The following TENM2 variants were observed in gnomAD, a reference collection of about 807,000 sequenced individuals.
The protein encoded by TENM2 is teneurin transmembrane protein 2, also known as teneurin-2.
In TENM2, 52 loss-of-function variants were observed where a neutral mutation model predicts 245.2. The observed-to-expected ratio is 0.21, with a 90% CI of 0.17 to 0.27. The LOEUF (loss-of-function observed/expected upper bound fraction) is 0.27. TENM2 is among the 10% of genes least tolerant of loss of function. TENM2 has a pLI of 1.00. For missense variants in TENM2, 3,046 were observed against 3,666.8 expected, an observed-to-expected ratio of 0.83 and a Z score of 4.37; for synonymous variants, 1,363 against 1,438.9, an observed-to-expected ratio of 0.95 and a Z score of 1.19.
chr5:167,745,408 C>A (rs1761487208), intron 2 of TENM2, among the ~76,000 whole-genome samples: 1 of 152,232 alleles, frequency 6.6e-6, no homozygotes, highest in Non-Finnish European at 1.5e-5. Context: ...TGGTGTGGAG[C>A]TCCATCGTAA....
At chr5:167,320,356 C>G (rs2127769353) in intron 1 of TENM2, among the ~76,000 whole-genome samples, 1 of 152,236 alleles carries the variant, frequency 6.6e-6, no homozygotes, top group South Asian at 2.1e-4. Context: ...AGTTAGGACC[C>G]AAAAGAAGAA....
chr5:167,066,394 A>C, the TENM2 span, among the ~76,000 whole-genome samples: 1 of 151,996 alleles, frequency 6.6e-6, no homozygotes, highest in Non-Finnish European at 1.5e-5. Flanking sequence ...AATTTTTTTT[A>C]TTATACTGTA....
At chr5:167,562,972 A>AG (rs1295308176) in intron 2 of TENM2, among the ~76,000 whole-genome samples, 25 of 151,728 alleles carry the variant, frequency 1.6e-4, no homozygotes, top group African/African-American at 5.6e-4. Context: ...AAAAAAAAAA[A>AG]AAAGAAAAAG....
At chr5:167,431,933 A>G (rs1026076766) in intron 2 of TENM2, among the ~76,000 whole-genome samples, 1 of 95,000 alleles carries the variant, frequency 1.1e-5, no homozygotes, top group Non-Finnish European at 2.2e-5. Context: ...ATATACATAT[A>G]TATATACATA....
At chr5:167,331,416 A>C (rs1461722895) in intron 1 of TENM2, among the ~76,000 whole-genome samples, 1 of 152,204 alleles carries the variant, frequency 6.6e-6, no homozygotes, top group African/African-American at 2.4e-5. Context: ...AAAGATGGAC[A>C]GATAGTGCCT....
chr5:168,166,734 A>G (rs571546844), intron 13 of TENM2, among the ~76,000 whole-genome samples: 3 of 152,288 alleles, frequency 2.0e-5, no homozygotes, highest in Admixed American at 1.3e-4. Context: ...CTTCTCTCCT[A>G]TGCATCTAGA....
chr5:168,229,917 G>T (rs999576714), intron 25 of TENM2: 1 of 152,170 alleles, frequency 6.6e-6, no homozygotes, highest in Non-Finnish European at 1.5e-5. Flanking sequence ...TGGATTTCAG[G>T]GCTGTGTAAT....
At chr5:167,820,640 G>A (rs1319630197) in intron 2 of TENM2, among the ~76,000 whole-genome samples, 1 of 152,190 alleles carries the variant, frequency 6.6e-6, no homozygotes, top group Non-Finnish European at 1.5e-5. Flanking sequence ...AATCCCACAA[G>A]GAATAGGATA....
chr5:167,851,939 A>T (rs962460336), intron 2 of TENM2, among the ~76,000 whole-genome samples: 15 of 152,256 alleles, frequency 9.9e-5, no homozygotes, highest in African/African-American at 3.6e-4. Flanking sequence ...AGGAAGAAAG[A>T]TAATATCAGC....
At chr5:167,441,149 T>C (rs1019654890) in intron 2 of TENM2, among the ~76,000 whole-genome samples, 1 of 152,102 alleles carries the variant, frequency 6.6e-6, no homozygotes, top group African/African-American at 2.4e-5. Context: ...TCATGGAGAG[T>C]TAATTGTCCT....
chr5:167,467,937 T>C (rs902332811), intron 2 of TENM2, among the ~76,000 whole-genome samples: 1 of 151,834 alleles, frequency 6.6e-6, no homozygotes, highest in East Asian at 1.9e-4. Flanking sequence ...TCTATTCACA[T>C]ATATATATAT....
At chr5:167,360,292 C>T (rs1209744716) in intron 1 of TENM2, among the ~76,000 whole-genome samples, 1 of 152,182 alleles carries the variant, frequency 6.6e-6, no homozygotes, top group East Asian at 1.9e-4. Flanking sequence ...GTCTGTTTAT[C>T]TCAGCCAAAA....
chr5:167,085,719 C>A, the TENM2 span, among the ~76,000 whole-genome samples: 1 of 152,168 alleles, frequency 6.6e-6, no homozygotes, highest in Non-Finnish European at 1.5e-5. Context: ...GATCACACAG[C>A]TCCTAAGTGG....
At chr5:167,168,514 T>C in the TENM2 span, 1 of 152,214 alleles carries the variant, frequency 6.6e-6, no homozygotes, top group Non-Finnish European at 1.5e-5. Flanking sequence ...AATTGTCCTT[T>C]CCATTCAAAT....
intron 2 of TENM2, among the ~76,000 whole-genome samples, chr5:167,670,857 T>C (rs185685686): frequency 1.1e-3 from 164 of 152,286 alleles, no homozygotes; most frequent in Admixed American, 5.2e-3. Flanking sequence ...TCCTTCCCCA[T>C]TCAGTTCATC....
At chr5:167,706,939 C>G (rs1040049632) in intron 2 of TENM2, among the ~76,000 whole-genome samples, 1 of 147,370 alleles carries the variant, frequency 6.8e-6, no homozygotes, top group Non-Finnish European at 1.5e-5. Context: ...GGCGTGAACC[C>G]GGGAGGCGGA....
At chr5:167,008,833 C>T in the TENM2 span, among the ~76,000 whole-genome samples, 3 of 152,050 alleles carry the variant, frequency 2.0e-5, no homozygotes, top group Non-Finnish European at 4.4e-5. Context: ...GTATATCGTT[C>T]CTATTTGGGT....
chr5:167,552,536 G>T (rs1049217713), intron 2 of TENM2, among the ~76,000 whole-genome samples: 1 of 151,828 alleles, frequency 6.6e-6, no homozygotes, highest in African/African-American at 2.4e-5. Flanking sequence ...CCAACCCGCC[G>T]CCCACAAAAA....
intron 2 of TENM2, among the ~76,000 whole-genome samples, chr5:167,424,328 C>T (rs1282797771): frequency 6.6e-6 from 1 of 151,974 alleles, no homozygotes; most frequent in African/African-American, 2.4e-5. Flanking sequence ...CCCTATTCTG[C>T]ACACACACAC....
Sources: gnomAD v4.1 joint callset for allele counts (sites outside exome capture counted in the v4.1 genomes callset) on GRCh38, gnomAD v4.1.1 for gene constraint, MANE v1.5 for transcripts, NCBI Gene and HGNC (gene_info 2026-07-23, HGNC 2026-07-21) for gene names.